The following C11orf65 variants were observed in gnomAD, a reference collection of about 807,000 sequenced individuals.
The protein encoded by C11orf65 is protein MFI.
Under a neutral mutation model 35.3 loss-of-function variants are expected in C11orf65, and 38 were observed. That is an observed-to-expected ratio of 1.08 (90% CI 0.83 to 1.41). The LOEUF is 1.41. C11orf65 is among the 40% of genes most tolerant of loss of function. The probability of loss-of-function intolerance (pLI) is 0.00; values close to 1 mark genes in which losing one functional copy is unlikely to be tolerated. For synonymous variants in C11orf65, 105 were observed against 114.4 expected, an observed-to-expected ratio of 0.92 and a Z score of 0.53; for missense variants, 370 against 367.1, an observed-to-expected ratio of 1.01 and a Z score of -0.06.
chr11:108,461,590 G>T, intron 1 of C11orf65, 22 bp from the exon 2 acceptor site: 1 of 1,331,348 alleles, frequency 7.5e-7, no homozygotes, highest in South Asian at 1.3e-5. Context: ...TGAGCAAAAA[G>T]GGTACATTTA....
At chr11:108,363,977 C>T (rs2091070510) in intron 2 of C11orf65, among the ~76,000 whole-genome samples, 1 of 152,088 alleles carries the variant, frequency 6.6e-6, no homozygotes, top group Admixed American at 6.6e-5. Flanking sequence ...AATCTAAAGC[C>T]ATGTCAGTGC....
chr11:108,363,516 G>C (rs1018641772), intron 2 of C11orf65, among the ~76,000 whole-genome samples: 5 of 152,160 alleles, frequency 3.3e-5, no homozygotes, highest in African/African-American at 1.2e-4. Flanking sequence ...GGCAATGTCT[G>C]GAGGCATTTT....
rs372112416 is a variant in C11orf65 at position 108,383,209 on chromosome 11, C to T, written c.788-34G>A. On this transcript the variant is annotated intron_variant, in intron 8 of 8. Coordinates refer to ENST00000393084, the MANE Select transcript of C11orf65 (RefSeq NM_152587.5). ...AAGTGACAAATGATTAGAAAGATAC[C>T]AGATATAATAAGATGCTCACTCAAA... 6 of 1,493,772 alleles carry T rather than the reference C, an allele frequency of 4.0e-6. No individual in the cohort carries two copies. The African/African-American group carries it at 8.5e-5, about 21-fold the overall frequency. The allele number at this position is 1,493,772 out of a possible 1,614,324, so 92.5% of individuals were successfully genotyped here.
chr11:108,379,621 T>TATA (rs1169484806), downstream of C11orf65, among the ~76,000 whole-genome samples: 5 of 151,182 alleles, frequency 3.3e-5, no homozygotes, highest in African/African-American at 1.2e-4. Context: ...AAACTTAAAG[T>TATA]ATAATAATAA....
chr11:108,341,731 C>T (rs2087607574), intron 2 of C11orf65, among the ~76,000 whole-genome samples: 1 of 152,054 alleles, frequency 6.6e-6, no homozygotes, highest in African/African-American at 2.4e-5. Flanking sequence ...ATGAAGAATA[C>T]AATGATATTC....
At chr11:108,439,704 G>T (rs992121697) in intron 2 of C11orf65, among the ~76,000 whole-genome samples, 5 of 152,130 alleles carry the variant, frequency 3.3e-5, no homozygotes, top group Non-Finnish European at 7.4e-5. Flanking sequence ...ATGTTATGTT[G>T]AGTAAAATAA....
Position 108,399,631 on chromosome 11 carries a change from G to GT in C11orf65, c.560+5797dup, listed in dbSNP as rs577333255. Among the ~76,000 whole-genome samples, 10 of 152,294 alleles carry GT rather than the reference G, an allele frequency of 6.6e-5. No homozygotes were observed. The South Asian group carries it at 1.0e-3, about 16-fold the overall frequency. The stretch of plus-strand genomic sequence containing the variant: ...GGAGATGATGTGGAGGCAATGCAGC[G>GT]TAAGTAGTGGTTGCAGGAGTATGAG... On this transcript the variant is annotated intron_variant, in intron 6 of 8. Coordinates refer to ENST00000393084, the MANE Select transcript of C11orf65 (RefSeq NM_152587.5).
chr11:108,448,887 A>G (rs2093306530), intron 2 of C11orf65, among the ~76,000 whole-genome samples: 1 of 152,178 alleles, frequency 6.6e-6, no homozygotes, highest in Non-Finnish European at 1.5e-5. Flanking sequence ...AGAAAACCCC[A>G]TCATTTCAGC....
At chr11:108,335,150 T>G in intron 3 of C11orf65, 1 of 1,613,170 alleles carries the variant, frequency 6.2e-7, no homozygotes, top group South Asian at 1.1e-5. Flanking sequence ...AGAGTTTTAG[T>G]GATGAAAATT....
intron 2 of C11orf65, among the ~76,000 whole-genome samples, chr11:108,440,548 G>A (rs2093135723): frequency 6.6e-6 from 1 of 152,118 alleles, no homozygotes. Flanking sequence ...TTACGTATCT[G>A]CTTAAGTGGG....
intron 2 of C11orf65, among the ~76,000 whole-genome samples, chr11:108,356,952 C>A (rs546363283): frequency 1.3e-5 from 2 of 152,142 alleles, no homozygotes; most frequent in Admixed American, 6.6e-5. Context: ...CCAAGATGGC[C>A]GAATAGGAAC....
intron 1 of C11orf65, among the ~76,000 whole-genome samples, chr11:108,462,038 AAT>A (rs1425865690): frequency 6.6e-6 from 1 of 152,194 alleles, no homozygotes; most frequent in Non-Finnish European, 1.5e-5. Flanking sequence ...TAAAAATAAA[AAT>A]AGTCACCTTC....
intron 7 of C11orf65, among the ~76,000 whole-genome samples, chr11:108,392,415 T>C (rs1259225734): frequency 3.8e-5 from 1 of 26,298 alleles, no homozygotes; most frequent in African/African-American, 1.8e-4. Context: ...CGTCAGCTCA[T>C]GGACATTTGG....
chr11:108,383,164 T>G lies in C11orf65; in HGVS notation c.799A>C (p.Asn267His). Residue 267 changes from asparagine (N) to histidine (H), a missense_variant, in exon 9 of 9, where the codon AAT (asparagine) becomes CAT (histidine). Asn to His is a moderately conservative substitution (Grantham distance 68, BLOSUM62 1). Transcript: ENST00000393084. ...SSANFKGFRFNQAQKNIYNYG... is the reference protein window; with the variant it reads ...SSANFKGFRFHQAQKNIYNYG... ...TTATATATGTTTTTCTGTGCTTGAT[T>G]AAACCTGAATCCTAAAGAGAAGTGA... 3.8e-6 allele frequency: 6 copies of G among 1,590,682 alleles called. No individual in the cohort carries two copies. The highest frequency in any genetic ancestry group is 5.1e-6 in the Non-Finnish European group (6 of 1,172,468).
intron 2 of C11orf65, among the ~76,000 whole-genome samples, chr11:108,376,900 G>A (rs973270050): frequency 1.3e-5 from 2 of 151,848 alleles, no homozygotes; most frequent in African/African-American, 2.4e-5. Flanking sequence ...TAAATTCCTC[G>A]ACACATACAC....
intron 3 of C11orf65, chr11:108,335,123 T>C: frequency 6.2e-7 from 1 of 1,613,980 alleles, no homozygotes; most frequent in Non-Finnish European, 8.5e-7. Flanking sequence ...AGCCTTCCCT[T>C]CTCTGGCTTA....
At chr11:108,445,509 C>G (rs536259614) in intron 2 of C11orf65, among the ~76,000 whole-genome samples, 1 of 152,292 alleles carries the variant, frequency 6.6e-6, no homozygotes, top group Admixed American at 6.5e-5. Flanking sequence ...CCCAGGCAAA[C>G]AGGGTCTGGA....
intron 2 of C11orf65, among the ~76,000 whole-genome samples, chr11:108,371,430 C>G (rs950506084): frequency 1.3e-5 from 2 of 152,186 alleles, no homozygotes; most frequent in African/African-American, 4.8e-5. Context: ...TACCTTTTGT[C>G]TCTCTGCATT....
intron 2 of C11orf65, among the ~76,000 whole-genome samples, chr11:108,432,420 T>C (rs2093002583): frequency 6.6e-6 from 1 of 152,222 alleles, no homozygotes; most frequent in Non-Finnish European, 1.5e-5. Context: ...ATTCCTATAG[T>C]AATCCCACTG....
Sources: gnomAD v4.1 joint callset for allele counts (sites outside exome capture counted in the v4.1 genomes callset) on GRCh38, gnomAD v4.1.1 for gene constraint, MANE v1.5 for transcripts, NCBI Gene and HGNC (gene_info 2026-07-23, HGNC 2026-07-21) for gene names.